Variants in TFEC observed in about 807,000 individuals in gnomAD.
TFEC encodes transcription factor EC.
Under a neutral mutation model 41.6 loss-of-function variants are expected in TFEC, and 31 were observed. The observed-to-expected ratio is 0.74, with a 90% CI of 0.56 to 1.01. The LOEUF is 1.01. Ranked by LOEUF, TFEC falls within the 50% of genes least tolerant of loss-of-function variation. The pLI, the probability that TFEC is intolerant of heterozygous loss-of-function variation, is 0.00. For missense variants in TFEC, 402 were observed against 404.1 expected, an observed-to-expected ratio of 0.99 and a Z score of 0.04; for synonymous variants, 143 against 140.6, an observed-to-expected ratio of 1.02 and a Z score of -0.12.
At position 116,020,279 on chromosome 7, in the gene TFEC, T is replaced by G. The variant is rs116684697; in HGVS notation, c.-73+10354A>C. ...CATTTTTTTTCTAAATGAGAATACC[T>G]TGTGCAGAGGAGGGAGCAATCCAAT... On this transcript the variant is annotated intron_variant, in intron 1 of 7. Coordinates refer to ENST00000265440, the MANE Select transcript of TFEC (RefSeq NM_012252.4). Among the ~76,000 whole-genome samples, 1,175 of 152,272 alleles carry G rather than the reference T, an allele frequency of 7.7e-3. 25 individuals are homozygous for G. The highest frequency in any genetic ancestry group is 0.027 in the African/African-American group (1,119 of 41,548).
Position 115,937,289 on chromosome 7 carries a change from T to C in TFEC, c.*3262A>G, listed in dbSNP as rs1793277295. On this transcript the variant is annotated 3_prime_UTR_variant, in exon 8 of 8. Transcript: ENST00000265440. ...ATTAATTGAATGAATAAATCAATAA[T>C]TATGCATTAATAGTCCCATTACAGT... The C allele has an allele frequency of 6.6e-6, 1 of 151,782 alleles. No individual in the cohort carries two copies. The highest frequency in any genetic ancestry group is 2.1e-4 in the South Asian group (1 of 4,832). 9.4% of individuals were successfully genotyped at this position (151,782 alleles called of 1,614,324 possible).
Position 115,940,688 on chromosome 7 carries a change from T to G in TFEC, c.907A>C (p.Arg303=), listed in dbSNP as rs1793446959. 2 of 1,613,596 alleles carry G rather than the reference T, an allele frequency of 1.2e-6. No individual in the cohort carries two copies. Among genetic ancestry groups the G allele is most frequent in the Admixed American group, 1.7e-5 (1 of 59,952 alleles). The change falls in exon 8 of 8, where the codon AGA becomes CGA. Residue 303 remains arginine, a synonymous_variant. Coordinates refer to ENST00000265440, the MANE Select transcript of TFEC (RefSeq NM_012252.4). Reference sequence around the variant, plus strand: ...TCATCCAATAGCATGCCATCCAATCTTTGTTCCTCTTTCAATGCAGCACTA... The same window carrying G: ...TCATCCAATAGCATGCCATCCAATCGTTGTTCCTCTTTCAATGCAGCACTA... The part of the protein sequence containing the change: ...SFSAALKEEQ[R]LDGMLLDDTI...
intron 1 of TFEC, among the ~76,000 whole-genome samples, chr7:116,124,490 T>C (rs903813676): frequency 2.6e-5 from 4 of 152,022 alleles, no homozygotes; most frequent in Non-Finnish European, 5.9e-5. Flanking sequence ...CAACTTTGAA[T>C]GTGAATGGAA....
chr7:115,942,760 T>C (rs1793569642), intron 6 of TFEC, among the ~76,000 whole-genome samples: 1 of 152,070 alleles, frequency 6.6e-6, no homozygotes, highest in African/African-American at 2.4e-5. Flanking sequence ...CATTAAAACT[T>C]ACTTTTAAGA....
At chr7:116,022,672 G>A (rs762290125) in intron 1 of TFEC, among the ~76,000 whole-genome samples, 1 of 152,124 alleles carries the variant, frequency 6.6e-6, no homozygotes, top group African/African-American at 2.4e-5. Flanking sequence ...AGAGCATCTT[G>A]TTCAAATATA....
intron 2 of TFEC, among the ~76,000 whole-genome samples, chr7:115,983,502 C>T (rs555341437): frequency 2.0e-5 from 3 of 151,986 alleles, no homozygotes; most frequent in Non-Finnish European, 4.4e-5. Flanking sequence ...ATCATAGGAC[C>T]ATAGCTTTAT....
intron 3 of TFEC, among the ~76,000 whole-genome samples, chr7:116,086,248 TC>T (rs1562964233): frequency 6.6e-6 from 1 of 151,810 alleles, no homozygotes; most frequent in Non-Finnish European, 1.5e-5. Flanking sequence ...TTCACTCCAA[TC>T]CCCTTCCTCT....
intron 1 of TFEC, among the ~76,000 whole-genome samples, chr7:116,007,732 GCCATCAAC>G (rs1794853699): frequency 6.6e-6 from 1 of 152,102 alleles, no homozygotes; most frequent in Non-Finnish European, 1.5e-5. Flanking sequence ...TGTGAAGGAT[GCCATCAAC>G]CCCATGATTC....
intron 5 of TFEC, among the ~76,000 whole-genome samples, chr7:115,953,092 G>T (rs1792033285): frequency 6.6e-6 from 1 of 152,020 alleles, no homozygotes. Flanking sequence ...TGTATATGGA[G>T]CTTGAATGTA....
chr7:116,129,867 G>GA (rs1233569927), intron 1 of TFEC, among the ~76,000 whole-genome samples: 1 of 151,980 alleles, frequency 6.6e-6, no homozygotes, highest in African/African-American at 2.4e-5. Context: ...CATTCTTCCA[G>GA]ATGCCTTTTT....
intron 1 of TFEC, among the ~76,000 whole-genome samples, chr7:116,020,501 T>G (rs182615614): frequency 6.6e-6 from 1 of 152,340 alleles, no homozygotes; most frequent in Non-Finnish European, 1.5e-5. Context: ...TTCTTTAAAC[T>G]GTGGGATTCG....
intron 1 of TFEC, among the ~76,000 whole-genome samples, chr7:116,027,625 C>T (rs1283568542): frequency 6.6e-6 from 1 of 151,870 alleles, no homozygotes; most frequent in Non-Finnish European, 1.5e-5. Flanking sequence ...TGCAGGCTCA[C>T]ATTCTTACTT....
At chr7:116,007,342 T>G (rs1166109945) in intron 1 of TFEC, among the ~76,000 whole-genome samples, 3 of 152,172 alleles carry the variant, frequency 2.0e-5, no homozygotes, top group Non-Finnish European at 4.4e-5. Flanking sequence ...CTCAGAGGGT[T>G]CAACTCTACA....
At chr7:115,999,408 C>G (rs1794500178) in intron 1 of TFEC, among the ~76,000 whole-genome samples, 1 of 151,890 alleles carries the variant, frequency 6.6e-6, no homozygotes, top group African/African-American at 2.4e-5. Context: ...TTCAAATAAA[C>G]AACCTAACAA....
rs899650090 is a variant in TFEC at position 115,936,928 on chromosome 7, T to C, written c.*3623A>G. 5.3e-5 allele frequency: 8 copies of C among 151,590 alleles called. No homozygotes were observed. The highest frequency in any genetic ancestry group is 7.4e-5 in the Non-Finnish European group (5 of 67,688). The allele number at this position is 151,590 out of a possible 1,614,324, so 9.4% of individuals were successfully genotyped here. ...ATAAAGAAAGCCATGGTCACTGATA[T>C]GCCTATAAACTGAGAAAATACCATC... On this transcript the variant is annotated 3_prime_UTR_variant, in exon 8 of 8. Transcript: ENST00000265440.
intron 3 of TFEC, among the ~76,000 whole-genome samples, chr7:116,091,363 C>A (rs1441668662): frequency 6.6e-6 from 1 of 152,048 alleles, no homozygotes; most frequent in Non-Finnish European, 1.5e-5. Flanking sequence ...AATGTAAAAT[C>A]CTAAATAAAA....
intron 3 of TFEC, among the ~76,000 whole-genome samples, chr7:116,068,900 G>T (rs1050645130): frequency 6.6e-6 from 1 of 151,454 alleles, no homozygotes; most frequent in African/African-American, 2.4e-5. Flanking sequence ...TACAGAACCT[G>T]AACACATTGA....
At chr7:116,094,238 A>T (rs1035523022) in intron 3 of TFEC, among the ~76,000 whole-genome samples, 1 of 152,256 alleles carries the variant, frequency 6.6e-6, no homozygotes, top group Non-Finnish European at 1.5e-5. Flanking sequence ...TATAAAAGTC[A>T]GAATTGGTTT....
At chr7:116,072,673 A>G (rs1004760102) in intron 3 of TFEC, among the ~76,000 whole-genome samples, 2 of 151,644 alleles carry the variant, frequency 1.3e-5, no homozygotes, top group Non-Finnish European at 3.0e-5. Context: ...GTATCCATGG[A>G]CTGGTAAGTT....
Sources: allele counts gnomAD v4.1 joint callset (sites outside exome capture counted in the v4.1 genomes callset), GRCh38; gene constraint gnomAD v4.1.1; transcripts MANE v1.5; gene names NCBI Gene and HGNC (gene_info 2026-07-23, HGNC 2026-07-21).